Variants in ATP11A observed in about 807,000 individuals in gnomAD.
The protein encoded by ATP11A is ATPase phospholipid transporting 11A.
ATP11A carries 81 observed loss-of-function variants against 154.4 expected under a neutral mutation model. The ratio of observed to expected loss-of-function variants is 0.52; its 90% CI spans 0.44 to 0.63. The LOEUF (loss-of-function observed/expected upper bound fraction) is 0.63, where lower values mean the gene tolerates loss of function less well. ATP11A is among the 30% of genes least tolerant of loss of function. ATP11A has a pLI of 0.00. For synonymous variants in ATP11A, 623 were observed against 585.9 expected (o/e 1.06, Z -0.91); for missense variants, 1,316 against 1,474.3 (o/e 0.89, Z 1.76).
rs143192298 is a variant in ATP11A, at chr13:112,882,670, G to C, written c.*804G>C. The C allele has an allele frequency of 7.5e-6, 3 of 400,022 alleles. No homozygotes were observed. Among genetic ancestry groups the C allele is most frequent in the African/African-American group, 6.2e-5 (3 of 48,752 alleles). 24.8% of individuals were successfully genotyped at this position (400,022 alleles called of 1,614,324 possible). On this transcript the variant is annotated 3_prime_UTR_variant, in exon 30 of 30. Transcript: ENST00000375645. This position sits in a 1 kb window ranked among gnomAD's most constrained non-coding sequence, Gnocchi z 5.1. ...TCGTGGAGAAGGCAGTGCCACGTGG[G>C]AGGACAAGGCCACGCCGGCAGCTTC... is the stretch of plus-strand genomic sequence containing the variant.
rs148119668 is a variant in ATP11A, at chr13:112,740,753, C to A, written c.40-44382C>A. Among the ~76,000 whole-genome samples, 50 of 152,306 alleles carry A rather than the reference C, an allele frequency of 3.3e-4. 1 individual carries two copies. In the East Asian group the frequency reaches 8.9e-3, roughly 27 times the overall value. On this transcript the variant is annotated intron_variant, in intron 1 of 29. Transcript: ENST00000375645. The stretch of plus-strand genomic sequence containing the variant: ...CCCCACAGATCCCACGGGAGGACTT[C>A]CTGTTGTGTAACATCCAGAGAAGCT...
intron 16 of ATP11A, among the ~76,000 whole-genome samples, chr13:112,841,026 T>C (rs2079399213): frequency 6.6e-6 from 1 of 152,266 alleles, no homozygotes; most frequent in Non-Finnish European, 1.5e-5. Flanking sequence ...CTCAGGCTGC[T>C]GTGGTGTTTC....
intron 1 of ATP11A, among the ~76,000 whole-genome samples, chr13:112,773,575 A>T (rs1026047489): frequency 3.9e-5 from 6 of 152,156 alleles, no homozygotes; most frequent in African/African-American, 1.4e-4. Flanking sequence ...CCCTTTTGTA[A>T]ATGTGCAGCC....
Position 112,859,543 on chromosome 13 carries a change from T to G in ATP11A, c.2727+91T>G. ...GCTGTGGGGAGGGGAGACTTGGGAATGAGCAGCACTCCCCGGCACCACGAG... is the reference window on the plus strand; with the variant it reads ...GCTGTGGGGAGGGGAGACTTGGGAAGGAGCAGCACTCCCCGGCACCACGAG... On this transcript the variant is annotated intron_variant, in intron 23 of 29. Transcript: ENST00000375645. This position sits in a 1 kb window ranked among gnomAD's most constrained non-coding sequence, Gnocchi z 4.3. 1 of 1,097,898 alleles carries G rather than the reference T, an allele frequency of 9.1e-7. No homozygotes were observed. The highest frequency in any genetic ancestry group is 1.4e-6 in the Non-Finnish European group (1 of 711,758). The allele number at this position is 1,097,898 out of a possible 1,614,324, so 68.0% of individuals were successfully genotyped here.
chr13:112,877,761 C>G (rs72660068), intron 28 of ATP11A, among the ~76,000 whole-genome samples: 9 of 152,204 alleles, frequency 5.9e-5, no homozygotes, highest in South Asian at 4.1e-4. Flanking sequence ...GCACTGTGCA[C>G]GCAGCCTCCA....
intron 27 of ATP11A, among the ~76,000 whole-genome samples, chr13:112,874,761 T>A (rs1389823114): frequency 1.3e-5 from 2 of 152,114 alleles, no homozygotes; most frequent in Non-Finnish European, 2.9e-5. Flanking sequence ...TCAGGCACCC[T>A]GTCAGCCCCA....
At chr13:112,880,679 T>C (rs562349627) in intron 29 of ATP11A, 1 of 1,270,374 alleles carries the variant, frequency 7.9e-7, no homozygotes, top group South Asian at 1.3e-5. Flanking sequence ...ACGCCGCCCG[T>C]GTGCTGTGAC....
chr13:112,702,373 T>TAAGTACA (rs1594336203), intron 1 of ATP11A, among the ~76,000 whole-genome samples: 8 of 146,592 alleles, frequency 5.5e-5, no homozygotes, highest in Admixed American at 3.4e-4. Context: ...GAAACCACTG[T>TAAGTACA]AAGTACAGAC....
chr13:112,753,232 C>G lies in ATP11A; in HGVS notation c.40-31903C>G, dbSNP rs1430613129. The stretch of plus-strand genomic sequence containing the variant: ...ATGTTCCCCTGTGGACTCAACCTCC[C>G]CCGCCCCTGGCCGCCCCACATCATG... On this transcript the variant is annotated intron_variant, in intron 1 of 29. Transcript: ENST00000375645. This position sits in a 1 kb window ranked among gnomAD's most constrained non-coding sequence, Gnocchi z 4.1. Among the ~76,000 whole-genome samples, 4 of 152,206 alleles carry G rather than the reference C, an allele frequency of 2.6e-5. No individual in the cohort carries two copies. Among genetic ancestry groups the G allele is most frequent in the Non-Finnish European group, 5.9e-5 (4 of 68,044 alleles).
rs2080373115 is a variant in ATP11A, at chr13:112,867,446, G to A, written c.2992-4289G>A. On this transcript the variant is annotated intron_variant, in intron 25 of 29. Coordinates refer to ENST00000375645, the MANE Select transcript of ATP11A (RefSeq NM_015205.3). ...ATGGACTTCAGGGGCAAGGACACGG[G>A]CGCCACTGTCCTAGGAGGGCAGCCC... 2.0e-5 allele frequency among the ~76,000 whole-genome samples: 3 copies of A among 152,248 alleles called. No homozygotes were observed. The South Asian group carries it at 6.2e-4, about 31-fold the overall frequency.
intron 1 of ATP11A, among the ~76,000 whole-genome samples, chr13:112,772,135 C>T (rs2077240147): frequency 1.3e-5 from 2 of 152,192 alleles, no homozygotes; most frequent in African/African-American, 4.8e-5. Context: ...ATCACCTTAT[C>T]TTTGTTGGCA....
At chr13:112,742,623 T>A (rs1002130889) in intron 1 of ATP11A, among the ~76,000 whole-genome samples, 2 of 152,246 alleles carry the variant, frequency 1.3e-5, no homozygotes, top group Non-Finnish European at 2.9e-5. Flanking sequence ...TTATGCCAGC[T>A]ACCTGTGGAG....
At chr13:112,817,933 G>A (rs1176024979) in intron 6 of ATP11A, among the ~76,000 whole-genome samples, 3 of 152,242 alleles carry the variant, frequency 2.0e-5, no homozygotes, top group South Asian at 2.1e-4. Flanking sequence ...GGGCTCACGT[G>A]ACTGCACAGG....
At chr13:112,856,213 A>G in intron 20 of ATP11A, 128 bp downstream of exon 20, 1 of 916,326 alleles carries the variant, frequency 1.1e-6, no homozygotes, top group Non-Finnish European at 1.6e-6. Flanking sequence ...AATAGAAGCA[A>G]CCGTGATAGA....
At chr13:112,853,322 A>G (rs1033824934) in intron 18 of ATP11A, among the ~76,000 whole-genome samples, 18 of 152,112 alleles carry the variant, frequency 1.2e-4, no homozygotes, top group African/African-American at 4.1e-4. Flanking sequence ...ACATACACAC[A>G]CATAAAATTA....
intron 4 of ATP11A, among the ~76,000 whole-genome samples, chr13:112,808,767 C>T (rs1481043036): frequency 6.6e-6 from 1 of 152,190 alleles, no homozygotes; most frequent in Non-Finnish European, 1.5e-5. Context: ...GCTCTGCCGC[C>T]GCCATCGCCC....
chr13:112,784,072 A>T (rs963080151), intron 1 of ATP11A, among the ~76,000 whole-genome samples: 11 of 152,198 alleles, frequency 7.2e-5, no homozygotes, highest in African/African-American at 1.9e-4. Flanking sequence ...AAGGGCAAGC[A>T]GGAGGCGGAA....
chr13:112,825,268 G>C (rs968038887), intron 10 of ATP11A, among the ~76,000 whole-genome samples, 162 bp from the exon 11 acceptor site: 1 of 152,166 alleles, frequency 6.6e-6, no homozygotes, highest in African/African-American at 2.4e-5. Flanking sequence ...CCATGGCATG[G>C]ACGCAAGTGC....
chr13:112,771,627 A>G (rs1367568627), intron 1 of ATP11A, among the ~76,000 whole-genome samples: 1 of 152,152 alleles, frequency 6.6e-6, no homozygotes, highest in Non-Finnish European at 1.5e-5. Context: ...AACCAGGTCC[A>G]CATGCACTTG....
Sources: allele counts gnomAD v4.1 joint callset (sites outside exome capture counted in the v4.1 genomes callset), GRCh38; gene constraint gnomAD v4.1.1; non-coding constraint Gnocchi (gnomAD v3.1); transcripts MANE v1.5; gene names NCBI Gene and HGNC (gene_info 2026-07-23, HGNC 2026-07-21).